The following ACSS1 variants were observed in gnomAD, a reference collection of about 807,000 sequenced individuals.
ACSS1 encodes acyl-CoA synthetase short chain family member 1.
In ACSS1, 42 loss-of-function variants were observed where a neutral mutation model predicts 75.3. The observed-to-expected ratio is 0.56, with a 90% CI of 0.44 to 0.72. ACSS1 has a LOEUF of 0.72. Ranked by LOEUF, ACSS1 falls within the 30% of genes least tolerant of loss-of-function variation. ACSS1 has a pLI of 0.00. For missense variants in ACSS1, 782 were observed against 935.7 expected (o/e 0.84, Z 2.14); for synonymous variants, 380 against 376.8 (o/e 1.01, Z -0.10).
At chr20:25,038,638 G>A (rs538023226) in intron 2 of ACSS1, among the ~76,000 whole-genome samples, 2 of 152,188 alleles carry the variant, frequency 1.3e-5, no homozygotes, top group East Asian at 3.9e-4. Flanking sequence ...CTGTGTGAAT[G>A]CCTTGCAGGA....
At chr20:25,041,085 C>T (rs996237079) in intron 2 of ACSS1, among the ~76,000 whole-genome samples, 3 of 151,996 alleles carry the variant, frequency 2.0e-5, no homozygotes, top group African/African-American at 4.8e-5. Flanking sequence ...GGTGAAACCC[C>T]GTCTCTATTA....
chr20:25,027,129 C>T (rs762050765), intron 3 of ACSS1, among the ~76,000 whole-genome samples: 4 of 152,238 alleles, frequency 2.6e-5, no homozygotes, highest in Admixed American at 6.5e-5. Context: ...AGGTAAGTCA[C>T]TTAAACTCTC....
At chr20:25,042,306 A>G (rs1568846349) in intron 2 of ACSS1, among the ~76,000 whole-genome samples, 1 of 152,182 alleles carries the variant, frequency 6.6e-6, no homozygotes, top group Non-Finnish European at 1.5e-5. Flanking sequence ...CTTCAAAAAC[A>G]GCCCACCCCG....
intron 1 of ACSS1, among the ~76,000 whole-genome samples, chr20:25,050,217 G>T (rs193182501): frequency 1.3e-5 from 2 of 152,038 alleles, no homozygotes; most frequent in Non-Finnish European, 2.9e-5. Flanking sequence ...TTTAAAAATC[G>T]AGAGCTTTCA....
At chr20:25,029,967 A>C (rs1401571119) in intron 3 of ACSS1, among the ~76,000 whole-genome samples, 1 of 152,240 alleles carries the variant, frequency 6.6e-6, no homozygotes, top group East Asian at 1.9e-4. Context: ...AGAGAGAGGA[A>C]GAAAAAGAGA....
At chr20:25,044,284 G>C (rs1047069957) in intron 2 of ACSS1, among the ~76,000 whole-genome samples, 1 of 152,168 alleles carries the variant, frequency 6.6e-6, no homozygotes, top group African/African-American at 2.4e-5. Flanking sequence ...CCACCCCCCA[G>C]GGTCTCTAGA....
intron 3 of ACSS1, among the ~76,000 whole-genome samples, chr20:25,028,886 CT>C (rs1249993381): frequency 6.6e-6 from 1 of 151,886 alleles, no homozygotes; most frequent in Non-Finnish European, 1.5e-5. Flanking sequence ...TGCCCCTGCA[CT>C]CCAGCCTGGC....
At chr20:25,031,408 A>G (rs2088821974) in intron 2 of ACSS1, among the ~76,000 whole-genome samples, 1 of 152,216 alleles carries the variant, frequency 6.6e-6, no homozygotes, top group African/African-American at 2.4e-5. Context: ...AGATGCCCCA[A>G]TATTGCATAA....
rs148245244 is a variant in ACSS1, at chr20:25,007,870, A to G, written c.1962T>C (p.Ser654=). The G allele has an allele frequency of 1.0e-4, 167 of 1,614,150 alleles. No individual in the cohort carries two copies. The African/African-American group carries it at 2.1e-3, about 20-fold the overall frequency. Residue 654 remains serine, a synonymous_variant, in exon 14 of 14, where the codon AGT becomes AGC. Coordinates refer to ENST00000323482, the MANE Select transcript of ACSS1 (RefSeq NM_032501.4). ...MRRLLRKIIT[S]EAQELGDTTT... is the part of the protein sequence containing the mutation. ...TAGTGTCTCCCAGCTCCTGGGCCTC[A>G]CTAGTGATGATCTTCCTCAGGAGCC...
At chr20:25,018,639 T>A (rs887007882) in intron 7 of ACSS1, among the ~76,000 whole-genome samples, 2 of 152,300 alleles carry the variant, frequency 1.3e-5, no homozygotes, top group Admixed American at 6.5e-5. Context: ...TCCTCTTCCT[T>A]CTCTGTAATG....
Position 25,048,149 on chromosome 20 carries a change from G to A in ACSS1, c.367C>T (p.Pro123Ser). 6.2e-7 allele frequency: 1 copy of A among 1,613,562 alleles called. No homozygotes were observed. Among genetic ancestry groups the A allele is most frequent in the Non-Finnish European group, 8.5e-7 (1 of 1,179,990 alleles). ...TCCCAGATCAAAGCAACGCTCTCGG[G>A]GGACTTCCGAACATGCTGGTCCAAG... The part of the protein sequence containing the change: ...NCLDQHVRKS[P>S]ESVALIWERD... The change falls in exon 2 of 14, where the codon CCC (proline) becomes TCC (serine). Residue 123 changes from proline to serine, a missense_variant. Pro to Ser is a moderately conservative substitution (Grantham distance 74). This residue lies in a region of ACSS1 where 377 missense variants were observed against 383.1 expected (regional missense o/e 0.98). Coordinates refer to ENST00000323482, the MANE Select transcript of ACSS1 (RefSeq NM_032501.4).
intron 11 of ACSS1, 52 bp downstream of exon 11, chr20:25,012,760 A>G: frequency 6.2e-7 from 1 of 1,613,262 alleles, no homozygotes; most frequent in Non-Finnish European, 8.5e-7. Context: ...GCAGGTCCAC[A>G]GGGGCATCAT....
At chr20:25,046,449 C>A in intron 2 of ACSS1, 1 of 291,262 alleles carries the variant, frequency 3.4e-6, no homozygotes, top group Non-Finnish European at 6.7e-6. Flanking sequence ...CCACGGGCAG[C>A]GTCCAGCCGA....
At chr20:25,030,485 C>T (rs1166797414) in intron 3 of ACSS1, among the ~76,000 whole-genome samples, 1 of 152,212 alleles carries the variant, frequency 6.6e-6, no homozygotes, top group Non-Finnish European at 1.5e-5. Context: ...GCACTAGGCC[C>T]TCATGCTGTG....
chr20:25,045,325 A>G (rs2089068679), intron 2 of ACSS1, among the ~76,000 whole-genome samples: 1 of 152,116 alleles, frequency 6.6e-6, no homozygotes, highest in Admixed American at 6.5e-5. Flanking sequence ...GGACCTGGGG[A>G]AGCAGGGATT....
intron 1 of ACSS1, among the ~76,000 whole-genome samples, chr20:25,052,752 C>T (rs984849063): frequency 6.6e-6 from 1 of 152,264 alleles, no homozygotes; most frequent in African/African-American, 2.4e-5. Context: ...ACAAGCCATG[C>T]GGAGCTGAGG....
chr20:25,015,091 T>C, intron 8 of ACSS1, 47 bp downstream of exon 8: 1 of 1,550,294 alleles, frequency 6.5e-7, no homozygotes, highest in Non-Finnish European at 8.8e-7. Context: ...CACCTGACCC[T>C]GCAGACCCAG....
In ACSS1 at chr20:25,009,359, T is replaced by C. The variant is rs1374317744; in HGVS notation, c.1801A>G (p.Ser601Gly). The C allele has an allele frequency of 6.2e-7, 1 of 1,614,188 alleles. No individual in the cohort carries two copies. ...ACCACCACATCTGAGTCACCCGCAC[T>C]ATCTTTCACCACAATGAAGGCAAAG... is the stretch of plus-strand genomic sequence containing the variant. Reference protein sequence around the residue: ...AAFAFIVVKDSAGDSDVVVQE... With the variant: ...AAFAFIVVKDGAGDSDVVVQE... Residue 601 changes from serine (S) to glycine (G), a missense_variant, in exon 13 of 14, where the codon AGT (serine) becomes GGT (glycine). Transcript: ENST00000323482.
intron 1 of ACSS1, among the ~76,000 whole-genome samples, chr20:25,057,207 G>C (rs2089254564): frequency 6.6e-6 from 1 of 152,222 alleles, no homozygotes; most frequent in African/African-American, 2.4e-5. Context: ...CCGCAGCGAA[G>C]AAATAACTGG....
Sources: gnomAD v4.1 joint callset for allele counts (sites outside exome capture counted in the v4.1 genomes callset) on GRCh38, gnomAD v4.1.1 for gene constraint, gnomAD v4.1.1 regional missense constraint, MANE v1.5 for transcripts, NCBI Gene and HGNC (gene_info 2026-07-23, HGNC 2026-07-21) for gene names.